The following CLIC2 variants were observed in gnomAD, a reference collection of about 807,000 sequenced individuals.
CLIC2 encodes the protein CLIC family member 2.
In CLIC2, 9 loss-of-function variants were observed where a neutral mutation model predicts 14.8. The observed-to-expected ratio is 0.61, with a 90% CI of 0.37 to 1.06. The LOEUF is 1.06. CLIC2 is among the 50% of genes least tolerant of loss of function. CLIC2 has a pLI of 0.01. For synonymous variants in CLIC2, 61 were observed against 66.3 expected, an observed-to-expected ratio of 0.92 and a Z score of 0.39; for missense variants, 148 against 181.4, an observed-to-expected ratio of 0.82 and a Z score of 1.06.
At chrX:155,312,464 C>A (rs1263631453) in intron 1 of CLIC2, among the ~76,000 whole-genome samples, 1 of 111,812 alleles carries the variant, frequency 8.9e-6, no homozygotes, top group Non-Finnish European at 1.9e-5. Flanking sequence ...TGTCAAAGAT[C>A]AGATTGTTGT....
intron 1 of CLIC2, among the ~76,000 whole-genome samples, chrX:155,319,473 C>T (rs1483994916): frequency 1.8e-5 from 2 of 112,075 alleles, no homozygotes; most frequent in African/African-American, 6.5e-5. Flanking sequence ...ACTCCCTCCC[C>T]TAACCAAGGG....
rs1569561260 is a variant in CLIC2 at position 155,292,241 on chromosome X, C to T, written c.293+6544G>A. On this transcript the variant is annotated intron_variant, in intron 3 of 5. Coordinates refer to ENST00000369449, the MANE Select transcript of CLIC2 (RefSeq NM_001289.6). ...AAGGAAATATCCAGATTTAGAGAGA[C>T]GAGATTTGTCTCACAAGGAGAAACT... 7.0e-6 allele frequency: 4 copies of T among 569,377 alleles called. No homozygotes were observed. In the East Asian group the frequency reaches 9.8e-5, roughly 14 times the overall value. The allele number at this position is 569,377 out of a possible 1,213,427, so 46.9% of individuals were successfully genotyped here.
chrX:155,323,578 C>A (rs2124215389), intron 1 of CLIC2, among the ~76,000 whole-genome samples: 1 of 112,010 alleles, frequency 8.9e-6, no homozygotes, highest in East Asian at 2.8e-4. Context: ...CAATATCATA[C>A]TGAATGGGCA....
At chrX:155,318,848 G>A (rs2075103748) in intron 1 of CLIC2, among the ~76,000 whole-genome samples, 1 of 111,961 alleles carries the variant, frequency 8.9e-6, no homozygotes, top group South Asian at 3.7e-4. Flanking sequence ...GCATGGTACT[G>A]GTATAAAAAT....
Position 155,291,376 on chromosome X carries a change from G to A in CLIC2, c.293+7409C>T, listed in dbSNP as rs1221238359. 6.2e-5 allele frequency: 42 copies of A among 675,052 alleles called. No homozygotes were observed. In the African/African-American group the frequency reaches 7.7e-4, roughly 12 times the overall value. 55.6% of individuals were successfully genotyped at this position (675,052 alleles called of 1,213,427 possible). A position where few individuals can be genotyped will look rare whatever the true frequency, so the allele number is the denominator to read the frequency against. On this transcript the variant is annotated intron_variant, in intron 3 of 5. Transcript: ENST00000369449. ...TGCTTGGATGCAGGTCTGGTGGGACGTGGCGGCGGCCACTAGCTCCTGGCT... is the reference window on the plus strand; with the variant it reads ...TGCTTGGATGCAGGTCTGGTGGGACATGGCGGCGGCCACTAGCTCCTGGCT...
At chrX:155,282,128 T>C (rs1201211276) in intron 3 of CLIC2, among the ~76,000 whole-genome samples, 3 of 111,802 alleles carry the variant, frequency 2.7e-5, no homozygotes, top group East Asian at 2.8e-4. Flanking sequence ...GGAAAGCTCC[T>C]ACCCCAGAGC....
intron 1 of CLIC2, among the ~76,000 whole-genome samples, chrX:155,305,059 T>G (rs1237765277): frequency 8.9e-6 from 1 of 112,038 alleles, no homozygotes; most frequent in Admixed American, 9.4e-5. Context: ...CCCCCAGAGG[T>G]GGAGCCTACA....
chrX:155,334,289 G>A, intron 1 of CLIC2, 82 bp downstream of exon 1: 1 of 774,515 alleles, frequency 1.3e-6, no homozygotes, highest in Non-Finnish European at 2.0e-6. Flanking sequence ...TAGCCCAAAT[G>A]TGGAGAATTT....
chrX:155,327,662 A>T (rs1557322465), intron 1 of CLIC2, among the ~76,000 whole-genome samples: 3 of 111,258 alleles, frequency 2.7e-5, no homozygotes, highest in Non-Finnish European at 3.8e-5. Context: ...AGAAAAAAAA[A>T]TAGCTAATGG....
intron 1 of CLIC2, among the ~76,000 whole-genome samples, chrX:155,304,434 G>C (rs1308850442): frequency 1.1e-5 from 1 of 88,381 alleles, no homozygotes; most frequent in African/African-American, 3.9e-5. Flanking sequence ...AGCTCCATCA[G>C]CTCCTTTAAG....
At chrX:155,323,785 A>G (rs188593485) in intron 1 of CLIC2, among the ~76,000 whole-genome samples, 19 of 112,019 alleles carry the variant, frequency 1.7e-4, no homozygotes, top group African/African-American at 5.8e-4. Flanking sequence ...AGAAAACCCC[A>G]TTGTCTCAGC....
rs782369666 is a variant in CLIC2 at position 155,279,223 on chromosome X, T to C, written c.508A>G (p.Arg170Gly). The C allele has an allele frequency of 6.8e-5, 82 of 1,208,633 alleles. No individual in the cohort carries two copies. The South Asian group carries it at 1.4e-3, about 20-fold the overall frequency. The stretch of plus-strand genomic sequence containing the variant: ...TGGTCCCCATCCAAGAATAGTCTTC[T>C]GGAAACTGGGGGTTCCTCAGCACTG... ...PDSAEEPPVS[R>G]RLFLDGDQLT... The change falls in exon 5 of 6, where the codon AGA becomes GGA. Residue 170 changes from arginine to glycine, a missense_variant. Arg to Gly is a moderately radical substitution (Grantham distance 125). Coordinates refer to ENST00000369449, the MANE Select transcript of CLIC2 (RefSeq NM_001289.6).
At position 155,297,884 on chromosome X, in the gene CLIC2, A is replaced by AAAAAAAAAAAAAAAAAAAAAAAAAAG. The variant is rs1557318527; in HGVS notation, c.293+900_293+901insCTTTTTTTTTTTTTTTTTTTTTTTTT. Among the ~76,000 whole-genome samples, 54 of 45,220 alleles carry AAAAAAAAAAAAAAAAAAAAAAAAAAG rather than the reference A, an allele frequency of 1.2e-3. 18 individuals carry two copies. The highest frequency in any genetic ancestry group is 2.0e-3 in the Non-Finnish European group (41 of 20,617). The allele number at this position is 45,220 out of a possible 115,157, so 39.3% of individuals were successfully genotyped here. A position where few individuals can be genotyped will look rare whatever the true frequency, so the allele number is the denominator to read the frequency against. On this transcript the variant is annotated intron_variant, in intron 3 of 5. Transcript: ENST00000369449. ...TCAAAAAAAAAAAAAAAAAAAAAAA[A>AAAAAAAAAAAAAAAAAAAAAAAAAAG]AAGAAGGTGAACCATCAGAGAGACA...
At chrX:155,283,892 T>C (rs1321674804) in intron 3 of CLIC2, among the ~76,000 whole-genome samples, 1 of 112,074 alleles carries the variant, frequency 8.9e-6, no homozygotes, top group Non-Finnish European at 1.9e-5. Context: ...AAATATTTGT[T>C]CCATTAGCTT....
chrX:155,308,361 A>C (rs2075062839), intron 1 of CLIC2, among the ~76,000 whole-genome samples: 1 of 110,252 alleles, frequency 9.1e-6, no homozygotes, highest in Non-Finnish European at 1.9e-5. Flanking sequence ...AAACACACAG[A>C]CGAGAAAAAA....
chrX:155,303,827 C>T (rs1398183761), intron 1 of CLIC2, among the ~76,000 whole-genome samples: 2 of 102,713 alleles, frequency 1.9e-5, no homozygotes, highest in Non-Finnish European at 4.0e-5. Flanking sequence ...TTTTATTTCT[C>T]CTTCACTCAT....
chrX:155,308,479 T>A (rs1557320235), intron 1 of CLIC2, among the ~76,000 whole-genome samples: 1 of 111,475 alleles, frequency 9.0e-6, no homozygotes, highest in African/African-American at 3.3e-5. Flanking sequence ...GAGAAAGAGA[T>A]AGGATAGAAA....
chrX:155,322,518 A>G (rs2075119541), intron 1 of CLIC2, among the ~76,000 whole-genome samples: 1 of 112,195 alleles, frequency 8.9e-6, no homozygotes, highest in Non-Finnish European at 1.9e-5. Context: ...GAACAAAGAC[A>G]CAATGTACCG....
rs370386308 is a variant in CLIC2, at chrX:155,282,815, C to T, written c.294-2747G>A. 1.3e-4 allele frequency among the ~76,000 whole-genome samples: 15 copies of T among 111,803 alleles called. No homozygotes were observed. In the South Asian group the frequency reaches 4.9e-3, roughly 37 times the overall value. On this transcript the variant is annotated intron_variant, in intron 3 of 5. Coordinates refer to ENST00000369449, the MANE Select transcript of CLIC2 (RefSeq NM_001289.6). ...TCAGCTCCAGGCTGGCCTTCACACT[C>T]CCAGGCTTTGGGTCTGTCCCAGTGC...
Sources: allele counts gnomAD v4.1 joint callset (sites outside exome capture counted in the v4.1 genomes callset), GRCh38; gene constraint gnomAD v4.1.1; transcripts MANE v1.5; gene names NCBI Gene and HGNC (gene_info 2026-07-23, HGNC 2026-07-21).